The following NTRK3 variants were observed in gnomAD, a reference collection of about 807,000 sequenced individuals.
The protein encoded by NTRK3 is NT-3 growth factor receptor.
Under a neutral mutation model 91.7 loss-of-function variants are expected in NTRK3, and 24 were observed. That is an observed-to-expected ratio of 0.26 (90% confidence interval 0.19 to 0.37). The LOEUF is 0.37. NTRK3 is among the 10% of genes least tolerant of loss of function. The pLI is 1.00. For missense variants in NTRK3, 880 were observed against 1,068.9 expected (o/e 0.82, Z 2.46); for synonymous variants, 483 against 404.0 (o/e 1.20, Z -2.34).
chr15:87,982,690 G>A (rs781295318), intron 14 of NTRK3, among the ~76,000 whole-genome samples: 53 of 152,184 alleles, frequency 3.5e-4, no homozygotes, highest in South Asian at 8.3e-4. Flanking sequence ...AGAGGTTCTG[G>A]AGCCAATCCT....
intron 14 of NTRK3, among the ~76,000 whole-genome samples, chr15:87,968,701 T>C (rs2072999427): frequency 6.6e-6 from 1 of 152,150 alleles, no homozygotes; most frequent in Non-Finnish European, 1.5e-5. Context: ...TGTTTGCATC[T>C]CCCAGAGTAT....
intron 16 of NTRK3, 102 bp downstream of exon 16, chr15:87,932,905 TGAGAG>T: frequency 2.7e-6 from 3 of 1,127,484 alleles, no homozygotes; most frequent in Non-Finnish European, 2.6e-6. Flanking sequence ...TTTCTCATCC[TGAGAG>T]GAAAGTGTTT....
intron 13 of NTRK3, among the ~76,000 whole-genome samples, chr15:88,102,353 C>A (rs996728061): frequency 6.6e-6 from 1 of 152,100 alleles, no homozygotes; most frequent in African/African-American, 2.4e-5. Context: ...ATACTTAGGC[C>A]ACCTGGAAAG....
intron 3 of NTRK3, among the ~76,000 whole-genome samples, chr15:88,208,981 T>C (rs1021094716): frequency 4.6e-5 from 7 of 152,116 alleles, no homozygotes; most frequent in African/African-American, 1.4e-4. Context: ...ACATACAGAG[T>C]TGAGTGGGAC....
chr15:88,242,212 A>G (rs756699822), intron 3 of NTRK3, among the ~76,000 whole-genome samples: 1 of 152,088 alleles, frequency 6.6e-6, no homozygotes, highest in Non-Finnish European at 1.5e-5. Flanking sequence ...TTCATCTCAC[A>G]CAGGCAGAGT....
Position 88,241,420 on chromosome 15 carries a change from C to A in NTRK3, c.248+14486G>T, listed in dbSNP as rs923272391. 1.3e-5 allele frequency among the ~76,000 whole-genome samples: 2 copies of A among 152,174 alleles called. No homozygotes were observed. The highest frequency in any genetic ancestry group is 2.9e-5 in the Non-Finnish European group (2 of 68,028). On this transcript the variant is annotated intron_variant, in intron 3 of 18. Coordinates refer to ENST00000394480, the Ensembl canonical transcript of NTRK3. The surrounding 1 kb of genome is among the most constrained non-coding windows in gnomAD (Gnocchi z 4.3). ...ATGGGCGCAGGGAAGAGCAACCAAT[C>A]ATTTCCAGGGAGACAGAACATGACC...
At chr15:88,127,593 G>A (rs1365103285) in intron 11 of NTRK3, among the ~76,000 whole-genome samples, 2 of 152,342 alleles carry the variant, frequency 1.3e-5, no homozygotes, top group East Asian at 3.9e-4. Flanking sequence ...GTCTGGATTA[G>A]GCAAATGTTA....
intron 14 of NTRK3, among the ~76,000 whole-genome samples, chr15:87,949,272 C>A (rs192988626): frequency 5.9e-5 from 9 of 152,052 alleles, no homozygotes; most frequent in Admixed American, 2.6e-4. Flanking sequence ...GCCCGAGGAA[C>A]CAAGATCGTA....
intron 5 of NTRK3, among the ~76,000 whole-genome samples, chr15:88,170,555 G>A (rs780863848): frequency 3.3e-5 from 5 of 152,156 alleles, no homozygotes; most frequent in Non-Finnish European, 5.9e-5. Context: ...CAACAGTTTT[G>A]TACCCATTTT....
At chr15:88,040,552 G>A (rs1371707077) in intron 13 of NTRK3, among the ~76,000 whole-genome samples, 1 of 152,300 alleles carries the variant, frequency 6.6e-6, no homozygotes, top group Non-Finnish European at 1.5e-5. Context: ...GACTGCCTTG[G>A]AATTATTTTC....
rs1431422082 is a variant in NTRK3 at position 88,241,242 on chromosome 15, G to T, written c.248+14664C>A. Among the ~76,000 whole-genome samples the T allele has an allele frequency of 6.6e-6, 1 of 152,184 alleles. No homozygotes were observed. The highest frequency in any genetic ancestry group is 2.4e-5 in the African/African-American group (1 of 41,440). ...CCTCCTGGGCAGGTAAGAACATAGA[G>T]GGCAGTAGAGGGCAGCAGGGTGGGG... On this transcript the variant is annotated intron_variant, in intron 3 of 18. Transcript: ENST00000394480. This position sits in a 1 kb window ranked among gnomAD's most constrained non-coding sequence, Gnocchi z 4.3.
chr15:88,062,447 G>T (rs1006198900), intron 13 of NTRK3, among the ~76,000 whole-genome samples: 1 of 152,128 alleles, frequency 6.6e-6, no homozygotes. Context: ...AGAAGTCTTG[G>T]CTAGTAATTC....
At chr15:87,947,283 A>C (rs2070653738) in intron 14 of NTRK3, among the ~76,000 whole-genome samples, 2 of 152,060 alleles carry the variant, frequency 1.3e-5, no homozygotes, top group Non-Finnish European at 2.9e-5. Flanking sequence ...TAGCTGTTAG[A>C]GGTGTCCTGT....
chr15:88,071,510 T>C (rs1275223953), intron 13 of NTRK3, among the ~76,000 whole-genome samples: 1 of 152,254 alleles, frequency 6.6e-6, no homozygotes, highest in East Asian at 1.9e-4. Flanking sequence ...AACAGCTACA[T>C]CAGTGCTTCT....
intron 17 of NTRK3, among the ~76,000 whole-genome samples, chr15:87,912,783 A>C (rs2067165005): frequency 6.6e-6 from 1 of 151,902 alleles, no homozygotes; most frequent in African/African-American, 2.4e-5. Flanking sequence ...TCTCTCATAG[A>C]ATACTTACAA....
chr15:88,084,327 A>G (rs2048315996), intron 13 of NTRK3, among the ~76,000 whole-genome samples: 1 of 152,170 alleles, frequency 6.6e-6, no homozygotes, highest in African/African-American at 2.4e-5. Flanking sequence ...AGACTGGAGA[A>G]AGAAGCAGGG....
In NTRK3 at chr15:88,136,053, AT is replaced by A; in HGVS notation, c.766-14del. 2 of 1,614,242 alleles carry A rather than the reference AT, an allele frequency of 1.2e-6. No homozygotes were observed. The highest frequency in any genetic ancestry group is 1.7e-6 in the Non-Finnish European group (2 of 1,180,024). On this transcript the variant is annotated splice_polypyrimidine_tract_variant and intron_variant, in intron 8 of 18. Transcript: ENST00000394480. The stretch of plus-strand genomic sequence containing the variant: ...AGTTCAGATTGGTCTGAAAACCCCA[AT>A]AAAAAGATAACAATCAGATAGCTTC...
chr15:88,212,653 C>T (rs1450324481), intron 3 of NTRK3, among the ~76,000 whole-genome samples: 1 of 151,928 alleles, frequency 6.6e-6, no homozygotes. Context: ...CTCCTCCTAC[C>T]TCTCCAACCT....
chr15:87,943,623 C>T (rs899701825), intron 14 of NTRK3, among the ~76,000 whole-genome samples: 6 of 152,098 alleles, frequency 3.9e-5, no homozygotes, highest in Non-Finnish European at 7.4e-5. Context: ...TAAAGAGAAC[C>T]AGACTCTGTT....
Sources: gnomAD v4.1 joint callset for allele counts (sites outside exome capture counted in the v4.1 genomes callset) on GRCh38, gnomAD v4.1.1 for gene constraint, Gnocchi (gnomAD v3.1) non-coding constraint, MANE v1.5 for transcripts, NCBI Gene and HGNC (gene_info 2026-07-23, HGNC 2026-07-21) for gene names.